SLC25A26: variants seen among roughly 807,000 people sequenced by gnomAD.
The protein encoded by SLC25A26 is solute carrier family 25 member 26, also known as mitochondrial S-adenosylmethionine carrier protein.
A neutral mutation model predicts 37.8 loss-of-function variants in SLC25A26; 36 were observed. That is an observed-to-expected ratio of 0.95 (90% CI 0.73 to 1.26). The LOEUF is 1.26. SLC25A26 is among the 50% of genes most tolerant of loss of function. The pLI, the probability that SLC25A26 is intolerant of heterozygous loss-of-function variation, is 0.00. For missense variants in SLC25A26, 390 were observed against 331.1 expected (o/e 1.18, Z -1.38); for synonymous variants, 129 against 122.5 (o/e 1.05, Z -0.35).
At chr3:66,372,949 C>T (rs565879308) in intron 9 of SLC25A26, among the ~76,000 whole-genome samples, 4 of 152,314 alleles carry the variant, frequency 2.6e-5, no homozygotes, top group Admixed American at 6.5e-5. Context: ...GCTGCCCTCT[C>T]GGGGTCAAGT....
chr3:66,200,520 A>G (rs1019176088), intron 1 of SLC25A26, among the ~76,000 whole-genome samples: 5 of 152,228 alleles, frequency 3.3e-5, no homozygotes, highest in Admixed American at 2.6e-4. Flanking sequence ...TACAAAGACT[A>G]TACACTGGTT....
chr3:66,314,062 GCAAA>G (rs1424003152), intron 5 of SLC25A26, among the ~76,000 whole-genome samples: 2 of 152,172 alleles, frequency 1.3e-5, no homozygotes, highest in Non-Finnish European at 2.9e-5. Flanking sequence ...CATGTCATCT[GCAAA>G]CAGAGACAAT....
chr3:66,311,553 G>A (rs892235037), intron 5 of SLC25A26, among the ~76,000 whole-genome samples: 6 of 151,888 alleles, frequency 4.0e-5, no homozygotes, highest in African/African-American at 9.7e-5. Flanking sequence ...AGTTGTGATC[G>A]TTTGGAGAAG....
chr3:66,301,967 C>T (rs1048435864), intron 5 of SLC25A26, among the ~76,000 whole-genome samples: 1 of 152,098 alleles, frequency 6.6e-6, no homozygotes, highest in African/African-American at 2.4e-5. Flanking sequence ...TACATGTGTT[C>T]CTGCATATGA....
intron 1 of SLC25A26, among the ~76,000 whole-genome samples, chr3:66,184,585 C>CTGCACACCTTGAGTTTACTATGTATTACA (rs2070779348): frequency 7.8e-6 from 1 of 128,136 alleles, no homozygotes; most frequent in Non-Finnish European, 1.7e-5. Flanking sequence ...TCACCTGACT[C>CTGCACACCTTGAGTTTACTATGTATTACA]TGCTCACCTT....
chr3:66,231,333 T>C (rs1159211509), intron 1 of SLC25A26, among the ~76,000 whole-genome samples: 1 of 152,190 alleles, frequency 6.6e-6, no homozygotes, highest in Non-Finnish European at 1.5e-5. Context: ...GAGTGGCTTC[T>C]ATATATCAAG....
At chr3:66,238,870 A>G (rs2072430028) in intron 2 of SLC25A26, among the ~76,000 whole-genome samples, 1 of 152,128 alleles carries the variant, frequency 6.6e-6, no homozygotes, top group South Asian at 2.1e-4. Flanking sequence ...AGGAGGTGGA[A>G]GGGGAGGCAA....
chr3:66,370,203 C>A (rs1275844652), intron 8 of SLC25A26, among the ~76,000 whole-genome samples: 1 of 152,166 alleles, frequency 6.6e-6, no homozygotes, highest in African/African-American at 2.4e-5. Context: ...ATAGTTGTAC[C>A]ATTTACACTA....
chr3:66,367,605 T>G (rs2076850341), intron 7 of SLC25A26, among the ~76,000 whole-genome samples: 1 of 152,096 alleles, frequency 6.6e-6, no homozygotes. Flanking sequence ...ATGGGAAGTT[T>G]GGGATAGTAA....
At chr3:66,369,056 A>C (rs936389524) in intron 7 of SLC25A26, among the ~76,000 whole-genome samples, 46 of 55,474 alleles carry the variant, frequency 8.3e-4, no homozygotes, top group East Asian at 3.1e-3. Context: ...AAAACAAAAA[A>C]AAAAAACAAA....
At chr3:66,294,216 A>C (rs189614168) in intron 5 of SLC25A26, among the ~76,000 whole-genome samples, 3 of 152,076 alleles carry the variant, frequency 2.0e-5, no homozygotes, top group African/African-American at 7.2e-5. Context: ...AGTGTTTTCT[A>C]GTTCTCCTTG....
At chr3:66,305,577 C>T (rs978628557) in intron 5 of SLC25A26, among the ~76,000 whole-genome samples, 1 of 152,198 alleles carries the variant, frequency 6.6e-6, no homozygotes, top group African/African-American at 2.4e-5. Flanking sequence ...TTAAGCCCAG[C>T]ATGCATTAGC....
intron 3 of SLC25A26, among the ~76,000 whole-genome samples, chr3:66,249,849 A>G (rs1187967852): frequency 6.6e-6 from 1 of 152,216 alleles, no homozygotes; most frequent in East Asian, 1.9e-4. Flanking sequence ...TCAATAGTGT[A>G]TGACTATTAC....
intron 3 of SLC25A26, among the ~76,000 whole-genome samples, chr3:66,254,038 A>G (rs2073202877): frequency 6.6e-6 from 1 of 152,216 alleles, no homozygotes; most frequent in Admixed American, 6.5e-5. Flanking sequence ...TTGTCAGGCG[A>G]GGGAAGACTA....
At chr3:66,192,489 G>C (rs977561438) in intron 1 of SLC25A26, among the ~76,000 whole-genome samples, 2 of 152,230 alleles carry the variant, frequency 1.3e-5, no homozygotes, top group Admixed American at 6.5e-5. Context: ...AGAACTGTGA[G>C]AAATAAATGT....
intron 5 of SLC25A26, among the ~76,000 whole-genome samples, chr3:66,339,842 G>A (rs1350857268): frequency 6.6e-6 from 1 of 151,918 alleles, no homozygotes; most frequent in East Asian, 1.9e-4. Context: ...ATTCATTGAT[G>A]CACATATGTT....
chr3:66,332,540 ATTAGAC>A (rs1255772499), intron 5 of SLC25A26, among the ~76,000 whole-genome samples: 2 of 152,154 alleles, frequency 1.3e-5, no homozygotes, highest in South Asian at 2.1e-4. Flanking sequence ...ATTTTCTAGA[ATTAGAC>A]TTAGAAGTGT....
At chr3:66,356,390 C>G (rs1305339546) in intron 6 of SLC25A26, among the ~76,000 whole-genome samples, 1 of 152,124 alleles carries the variant, frequency 6.6e-6, no homozygotes, top group African/African-American at 2.4e-5. Flanking sequence ...TGAAGAATCA[C>G]TTGGGAAATT....
chr3:66,226,351 A>G (rs1001377067), intron 1 of SLC25A26, among the ~76,000 whole-genome samples: 2 of 152,212 alleles, frequency 1.3e-5, no homozygotes, highest in Non-Finnish European at 2.9e-5. Context: ...AGAATGGGAA[A>G]GACCTGCCAC....
Sources: allele counts gnomAD v4.1 joint callset (sites outside exome capture counted in the v4.1 genomes callset), GRCh38; gene constraint gnomAD v4.1.1; transcripts MANE v1.5; gene names NCBI Gene and HGNC (gene_info 2026-07-23, HGNC 2026-07-21).